The following SDK1 variants were observed in gnomAD, a reference collection of about 807,000 sequenced individuals.
SDK1 encodes sidekick cell adhesion molecule 1.
SDK1 carries 157 observed loss-of-function variants against 245.5 expected under a neutral mutation model. The ratio of observed to expected loss-of-function variants is 0.64; its 90% CI spans 0.56 to 0.73. The LOEUF (loss-of-function observed/expected upper bound fraction) is 0.73, where lower values mean the gene tolerates loss of function less well. Ranked by LOEUF, SDK1 falls within the 30% of genes least tolerant of loss-of-function variation. The pLI, the probability that SDK1 is intolerant of heterozygous loss-of-function variation, is 0.00. For synonymous variants in SDK1, 1,647 were observed against 1,278.5 expected (o/e 1.29, Z -6.15); for missense variants, 3,583 against 3,002.3 (o/e 1.19, Z -4.52).
At chr7:3,322,134 C>T (rs989830653) in intron 1 of SDK1, among the ~76,000 whole-genome samples, 17 of 151,698 alleles carry the variant, frequency 1.1e-4, no homozygotes, top group African/African-American at 4.1e-4. Context: ...GGGACAGTTT[C>T]ATCCCCCACC....
intron 1 of SDK1, among the ~76,000 whole-genome samples, chr7:3,416,577 T>A (rs1454665351): frequency 6.6e-6 from 1 of 151,814 alleles, no homozygotes; most frequent in Non-Finnish European, 1.5e-5. Flanking sequence ...AGGGAGGTGT[T>A]CCCCTGGCAG....
chr7:3,905,856 TC>T (rs1381666523), intron 5 of SDK1, among the ~76,000 whole-genome samples: 1 of 152,136 alleles, frequency 6.6e-6, no homozygotes, highest in Admixed American at 6.5e-5. Context: ...ACTCTTGGCC[TC>T]AAGCGATCCT....
chr7:3,917,449 G>T (rs1779423873), intron 5 of SDK1, among the ~76,000 whole-genome samples: 1 of 152,152 alleles, frequency 6.6e-6, no homozygotes, highest in South Asian at 2.1e-4. Flanking sequence ...CAAGACACGG[G>T]CTGCACTTTG....
At chr7:3,443,364 G>T (rs1352316541) in intron 1 of SDK1, among the ~76,000 whole-genome samples, 1 of 152,166 alleles carries the variant, frequency 6.6e-6, no homozygotes. Context: ...AACCGTTTAT[G>T]TCAAATATAT....
intron 20 of SDK1, among the ~76,000 whole-genome samples, chr7:4,074,903 TATATATATATATA>T (rs1447607917): frequency 1.3e-4 from 11 of 85,474 alleles, no homozygotes; most frequent in African/African-American, 6.5e-4. Flanking sequence ...TATATATATA[TATATATATATATA>T]TTTTTTTTTT....
intron 1 of SDK1, among the ~76,000 whole-genome samples, chr7:3,487,754 C>CAAAAAAAAA (rs764105126): frequency 6.5e-4 from 42 of 64,904 alleles, no homozygotes; most frequent in African/African-American, 9.6e-4. Flanking sequence ...GACCCCATCT[C>CAAAAAAAAA]AAAAAAAAAA....
chr7:3,490,944 C>A (rs995800948), intron 1 of SDK1, among the ~76,000 whole-genome samples: 1 of 152,246 alleles, frequency 6.6e-6, no homozygotes, highest in Non-Finnish European at 1.5e-5. Flanking sequence ...GGCATTCACT[C>A]TGTGTAACAT....
At chr7:4,047,373 T>C (rs1055709451) in intron 17 of SDK1, among the ~76,000 whole-genome samples, 2 of 151,624 alleles carry the variant, frequency 1.3e-5, no homozygotes, top group Non-Finnish European at 2.9e-5. Flanking sequence ...ATGACTGTTA[T>C]ATATTGTTGA....
At chr7:3,781,914 G>A (rs1447461065) in intron 4 of SDK1, among the ~76,000 whole-genome samples, 1 of 152,078 alleles carries the variant, frequency 6.6e-6, no homozygotes, top group Admixed American at 6.5e-5. Flanking sequence ...GCCTATGAGA[G>A]TTATGAACAC....
intron 42 of SDK1, among the ~76,000 whole-genome samples, chr7:4,238,269 G>T (rs11978760): frequency 2.0e-5 from 3 of 151,800 alleles, no homozygotes; most frequent in Non-Finnish European, 4.4e-5. Flanking sequence ...TAGTAGAGGC[G>T]GGGTTTCACC....
At chr7:3,798,451 T>C (rs1425384683) in intron 4 of SDK1, among the ~76,000 whole-genome samples, 1 of 152,070 alleles carries the variant, frequency 6.6e-6, no homozygotes, top group African/African-American at 2.4e-5. Flanking sequence ...TCTCCTGACC[T>C]TGTGATCCAC....
chr7:3,583,459 G>A (rs1024688657), intron 1 of SDK1, among the ~76,000 whole-genome samples: 1 of 152,114 alleles, frequency 6.6e-6, no homozygotes, highest in African/African-American at 2.4e-5. Context: ...AACCATCGCT[G>A]GAAATATGTG....
intron 25 of SDK1, among the ~76,000 whole-genome samples, chr7:4,115,486 G>A (rs923301738): frequency 2.6e-5 from 4 of 152,094 alleles, no homozygotes; most frequent in Admixed American, 6.6e-5. Context: ...CCTCTTATTC[G>A]CTCTCTTTTG....
chr7:3,498,563 A>G (rs1270385983), intron 1 of SDK1, among the ~76,000 whole-genome samples: 1 of 152,176 alleles, frequency 6.6e-6, no homozygotes, highest in African/African-American at 2.4e-5. Context: ...ACAAATTAGT[A>G]GCTACCATTG....
At chr7:3,660,665 G>C (rs1412883184) in intron 4 of SDK1, among the ~76,000 whole-genome samples, 1 of 152,214 alleles carries the variant, frequency 6.6e-6, no homozygotes, top group Non-Finnish European at 1.5e-5. Flanking sequence ...AGATGAGAAA[G>C]TTTAGGATCA....
chr7:4,232,411 CTTTT>C (rs71032930), intron 40 of SDK1, among the ~76,000 whole-genome samples: 1 of 98,786 alleles, frequency 1.0e-5, no homozygotes, highest in Non-Finnish European at 2.0e-5. Flanking sequence ...TCTTTTCTTT[CTTTT>C]TTTTTTTTTT....
At chr7:4,033,460 C>T (rs66493879) in intron 17 of SDK1, among the ~76,000 whole-genome samples, 36,651 of 152,022 alleles carry the variant, frequency 0.24, 6,162 homozygotes, top group African/African-American at 0.49. Flanking sequence ...GATTGATGAA[C>T]TGACTATTTA....
chr7:3,736,029 C>G (rs926447347), intron 4 of SDK1, among the ~76,000 whole-genome samples: 5 of 152,024 alleles, frequency 3.3e-5, no homozygotes, highest in Non-Finnish European at 7.4e-5. Flanking sequence ...GTTTTTTAAT[C>G]AGGTTATTTG....
chr7:3,891,165 G>A (rs1195131775), intron 5 of SDK1, among the ~76,000 whole-genome samples: 2 of 152,164 alleles, frequency 1.3e-5, no homozygotes, highest in Non-Finnish European at 2.9e-5. Context: ...GAAAGAGGAT[G>A]GGGGAGGCCC....
Sources: gnomAD v4.1 joint callset for allele counts (sites outside exome capture counted in the v4.1 genomes callset) on GRCh38, gnomAD v4.1.1 for gene constraint, MANE v1.5 for transcripts, NCBI Gene and HGNC (gene_info 2026-07-23, HGNC 2026-07-21) for gene names.